The following PLA2G4E variants were observed in gnomAD, a reference collection of about 807,000 sequenced individuals.
PLA2G4E encodes phospholipase A2 group IVE.
Under a neutral mutation model 109.1 loss-of-function variants are expected in PLA2G4E, and 84 were observed. That is an observed-to-expected ratio of 0.77 (90% confidence interval 0.65 to 0.92). PLA2G4E has a LOEUF of 0.92. Among genes scored for constraint, PLA2G4E ranks in the 40% least tolerant of loss-of-function variants. The pLI, the probability that PLA2G4E is intolerant of heterozygous loss-of-function variation, is 0.00. For synonymous variants in PLA2G4E, 469 were observed against 436.1 expected, an observed-to-expected ratio of 1.08 and a Z score of -0.94; for missense variants, 1,057 against 1,076.6, an observed-to-expected ratio of 0.98 and a Z score of 0.25.
At chr15:42,020,115 C>T (rs1051761969) in intron 1 of PLA2G4E, among the ~76,000 whole-genome samples, 10 of 152,248 alleles carry the variant, frequency 6.6e-5, no homozygotes, top group South Asian at 4.1e-4. Context: ...CCACCCACCA[C>T]GGAGCTCCCT....
At chr15:42,047,109 G>A (rs529908540) in intron 1 of PLA2G4E, among the ~76,000 whole-genome samples, 37 of 152,316 alleles carry the variant, frequency 2.4e-4, no homozygotes, top group Non-Finnish European at 4.7e-4. Flanking sequence ...CTGAGACTGG[G>A]TAATTTATAA....
At chr15:42,032,777 G>T (rs949188075) in intron 1 of PLA2G4E, among the ~76,000 whole-genome samples, 3 of 152,222 alleles carry the variant, frequency 2.0e-5, no homozygotes, top group African/African-American at 7.2e-5. Context: ...GTAAGACACA[G>T]ACTAAAAATT....
At chr15:42,036,005 CTACTT>C (rs72235951) in intron 1 of PLA2G4E, among the ~76,000 whole-genome samples, 19,580 of 151,846 alleles carry the variant, frequency 0.13, 1,716 homozygotes, top group Admixed American at 0.24. Flanking sequence ...TTTTTTTTCT[CTACTT>C]TACATTAGGC....
intron 15 of PLA2G4E, among the ~76,000 whole-genome samples, chr15:41,988,680 A>G (rs974766141): frequency 6.6e-6 from 1 of 152,230 alleles, no homozygotes; most frequent in African/African-American, 2.4e-5. Context: ...TTACACAGCT[A>G]GTGAGTGAGA....
At chr15:42,007,970 T>C in intron 2 of PLA2G4E, 105 bp from the exon 3 acceptor site, 1 of 1,242,772 alleles carries the variant, frequency 8.0e-7, no homozygotes, top group Non-Finnish European at 1.1e-6. Context: ...CCATCTCAGC[T>C]CCAGTTCCTC....
intron 1 of PLA2G4E, among the ~76,000 whole-genome samples, chr15:42,043,582 A>C (rs1001510922): frequency 4.0e-5 from 6 of 149,198 alleles, no homozygotes; most frequent in Non-Finnish European, 7.5e-5. Context: ...AAAAAAAAAA[A>C]AACAACCACA....
At chr15:42,018,112 C>A (rs1458812823) in intron 1 of PLA2G4E, among the ~76,000 whole-genome samples, 1 of 152,194 alleles carries the variant, frequency 6.6e-6, no homozygotes, top group Non-Finnish European at 1.5e-5. Context: ...GGAACCAGGT[C>A]TATGAGAAAT....
At chr15:42,043,564 C>CAAAAA (rs58079481) in intron 1 of PLA2G4E, among the ~76,000 whole-genome samples, 32 of 95,308 alleles carry the variant, frequency 3.4e-4, no homozygotes, top group Admixed American at 4.8e-4. Context: ...ATGGAGGATA[C>CAAAAA]AAAAAAAAAA....
At chr15:41,994,942 G>C (rs1171317658) in intron 12 of PLA2G4E, among the ~76,000 whole-genome samples, 1 of 152,230 alleles carries the variant, frequency 6.6e-6, no homozygotes, top group South Asian at 2.1e-4. Context: ...CTCAGCCCCT[G>C]GCCCTGCTCA....
chr15:42,009,438 C>A (rs753402286), intron 2 of PLA2G4E, among the ~76,000 whole-genome samples: 1 of 152,226 alleles, frequency 6.6e-6, no homozygotes, highest in Non-Finnish European at 1.5e-5. Context: ...TTGCCCCACT[C>A]TAATCTTTTC....
exon 12 of PLA2G4E, chr15:41,995,396 C>T: frequency 6.2e-7 from 1 of 1,613,668 alleles, no homozygotes; most frequent in Non-Finnish European, 8.5e-7. Flanking sequence ...GTAGCTGGCA[C>T]AGTCCAGGAG....
At chr15:42,046,499 C>A (rs2141080293) in intron 1 of PLA2G4E, among the ~76,000 whole-genome samples, 1 of 152,352 alleles carries the variant, frequency 6.6e-6, no homozygotes, top group East Asian at 1.9e-4. Context: ...TGCCATCAAT[C>A]TTCTCATCAT....
intron 6 of PLA2G4E, 125 bp downstream of exon 6, chr15:42,002,529 C>T: frequency 1.8e-6 from 2 of 1,114,374 alleles, no homozygotes; most frequent in Non-Finnish European, 2.6e-6. Flanking sequence ...TAGTCTAACT[C>T]CTGCAGAGGT....
intron 11 of PLA2G4E, among the ~76,000 whole-genome samples, chr15:41,996,159 C>A (rs145719635): frequency 0.017 from 2,642 of 152,022 alleles, 93 homozygotes; most frequent in African/African-American, 0.061. Context: ...CCAGCCTGGG[C>A]AACATGTAGA....
intron 5 of PLA2G4E, among the ~76,000 whole-genome samples, chr15:42,004,668 C>T (rs929906027): frequency 2.0e-5 from 3 of 152,136 alleles, no homozygotes; most frequent in Admixed American, 2.0e-4. Context: ...ATGTAGGGGG[C>T]CTGAGGCAGG....
At chr15:42,019,599 C>T (rs2068628840) in intron 1 of PLA2G4E, among the ~76,000 whole-genome samples, 1 of 152,166 alleles carries the variant, frequency 6.6e-6, no homozygotes, top group Admixed American at 6.5e-5. Context: ...CAGTTCCATG[C>T]AACACCTGTG....
chr15:42,022,358 G>C (rs780295985), intron 1 of PLA2G4E, among the ~76,000 whole-genome samples: 2 of 152,072 alleles, frequency 1.3e-5, no homozygotes, highest in African/African-American at 4.8e-5. Context: ...TAATTTTTCC[G>C]CGGGTGGGCG....
chr15:42,005,680 C>T (rs2068468406), intron 4 of PLA2G4E, among the ~76,000 whole-genome samples: 2 of 152,266 alleles, frequency 1.3e-5, no homozygotes, highest in South Asian at 4.1e-4. Context: ...CCAAGACTTA[C>T]TACCTCTCCA....
Position 42,043,990 on chromosome 15 carries a change from G to A in PLA2G4E, c.183+6531C>T, listed in dbSNP as rs756800010. On this transcript the variant is annotated intron_variant, in intron 1 of 19. Coordinates refer to ENST00000399518, the Ensembl canonical transcript of PLA2G4E. ...AACTAACCGTAAGTGTACTTGGACC[G>A]CAAAGAACCTCAAGGTTGGCATGGG... Among the ~76,000 whole-genome samples the A allele has an allele frequency of 1.5e-4, 23 of 152,246 alleles. No individual in the cohort carries two copies. In the Middle Eastern group the frequency reaches 0.014, roughly 90 times the overall value.
Sources: allele counts gnomAD v4.1 joint callset (sites outside exome capture counted in the v4.1 genomes callset), GRCh38; gene constraint gnomAD v4.1.1; transcripts MANE v1.5; gene names NCBI Gene and HGNC (gene_info 2026-07-23, HGNC 2026-07-21).